CNTNAP2: variants seen among roughly 807,000 people sequenced by gnomAD.
The protein encoded by CNTNAP2 is contactin-associated protein-like 2.
Under a neutral mutation model 155.2 loss-of-function variants are expected in CNTNAP2, and 98 were observed. The observed-to-expected ratio is 0.63, with a 90% CI of 0.54 to 0.75. The LOEUF is 0.75. Among genes scored for constraint, CNTNAP2 ranks in the 30% least tolerant of loss-of-function variants. The pLI, the probability that CNTNAP2 is intolerant of heterozygous loss-of-function variation, is 0.00. For synonymous variants in CNTNAP2, 651 were observed against 631.2 expected (o/e 1.03, Z -0.47); for missense variants, 1,727 against 1,688.1 (o/e 1.02, Z -0.40).
chr7:147,378,033 A>G (rs758777535), intron 9 of CNTNAP2: 3 of 468,052 alleles, frequency 6.4e-6, no homozygotes, highest in Non-Finnish European at 1.3e-5. Flanking sequence ...TTCTATTAAT[A>G]TTGTTCCAAA....
At chr7:146,931,103 A>G (rs1796746457) in intron 3 of CNTNAP2, among the ~76,000 whole-genome samples, 1 of 151,400 alleles carries the variant, frequency 6.6e-6, no homozygotes, top group Admixed American at 6.6e-5. Context: ...ACATCTACAG[A>G]ACTCTCCACC....
rs558228396 is a variant in CNTNAP2 at position 146,288,193 on chromosome 7, G to A, written c.97+171220G>A. Reference sequence around the variant, plus strand: ...TTTGCCTGTGTTCCCAGCTACTCTAGAGGCTGAGGTGGGAGGATTGCTTGG... The same window carrying A: ...TTTGCCTGTGTTCCCAGCTACTCTAAAGGCTGAGGTGGGAGGATTGCTTGG... On this transcript the variant is annotated intron_variant, in intron 1 of 23. Transcript: ENST00000361727. Among the ~76,000 whole-genome samples the A allele has an allele frequency of 2.0e-3, 304 of 151,486 alleles. 3 individuals are homozygous for A. The highest frequency in any genetic ancestry group is 6.9e-3 in the African/African-American group (285 of 41,240).
intron 13 of CNTNAP2, among the ~76,000 whole-genome samples, chr7:147,764,306 C>G (rs1158921270): frequency 6.6e-6 from 1 of 152,156 alleles, no homozygotes; most frequent in African/African-American, 2.4e-5. Context: ...ATTACTCCAA[C>G]TAAAACTCTC....
At chr7:146,522,764 A>T (rs944810809) in intron 1 of CNTNAP2, among the ~76,000 whole-genome samples, 2 of 149,726 alleles carry the variant, frequency 1.3e-5, no homozygotes, top group African/African-American at 4.9e-5. Context: ...AATATATAAT[A>T]ATATCTATTA....
At chr7:147,053,647 G>C (rs1003740493) in intron 4 of CNTNAP2, among the ~76,000 whole-genome samples, 25 of 152,014 alleles carry the variant, frequency 1.6e-4, no homozygotes, top group African/African-American at 5.6e-4. Flanking sequence ...TTAGACCTAT[G>C]TCTGTCACTC....
chr7:148,244,309 T>C lies in CNTNAP2; in HGVS notation c.3381+14530T>C, dbSNP rs548147860. On this transcript the variant is annotated intron_variant, in intron 20 of 23. Coordinates refer to ENST00000361727, the MANE Select transcript of CNTNAP2 (RefSeq NM_014141.6). ...ATGTATGTGATTTTGTCTCACAAGTTCTCTCTTTAGGTCACAAATTAACTC... is the reference window on the plus strand; with the variant it reads ...ATGTATGTGATTTTGTCTCACAAGTCCTCTCTTTAGGTCACAAATTAACTC... Among the ~76,000 whole-genome samples, 125 of 152,268 alleles carry C rather than the reference T, an allele frequency of 8.2e-4. 3 individuals are homozygous for C. In the South Asian group the frequency reaches 0.025, roughly 31 times the overall value.
intron 8 of CNTNAP2, among the ~76,000 whole-genome samples, chr7:147,195,019 G>T (rs1370589921): frequency 6.6e-6 from 1 of 152,126 alleles, no homozygotes; most frequent in Non-Finnish European, 1.5e-5. Context: ...AAATGGTATT[G>T]CCTAGGTTTT....
At chr7:147,919,962 C>T (rs958658389) in intron 14 of CNTNAP2, among the ~76,000 whole-genome samples, 4 of 151,976 alleles carry the variant, frequency 2.6e-5, no homozygotes, top group Non-Finnish European at 5.9e-5. Context: ...TTCCTTCCTA[C>T]GGTGGTGATG....
At chr7:147,409,515 A>T (rs1797066460) in intron 10 of CNTNAP2, among the ~76,000 whole-genome samples, 1 of 152,220 alleles carries the variant, frequency 6.6e-6, no homozygotes, top group Non-Finnish European at 1.5e-5. Context: ...ACGAAGACAC[A>T]AAAGCAATTG....
intron 2 of CNTNAP2, among the ~76,000 whole-genome samples, chr7:146,828,581 AC>A (rs1451635075): frequency 6.6e-6 from 1 of 152,096 alleles, no homozygotes; most frequent in African/African-American, 2.4e-5. Flanking sequence ...ACATCTGACT[AC>A]CTGCATGTTC....
chr7:148,309,913 G>C (rs2116515357), intron 21 of CNTNAP2, among the ~76,000 whole-genome samples: 1 of 152,252 alleles, frequency 6.6e-6, no homozygotes, highest in South Asian at 2.1e-4. Flanking sequence ...GTGGTATGGA[G>C]AGATAATGGG....
intron 1 of CNTNAP2, among the ~76,000 whole-genome samples, chr7:146,450,003 T>C (rs1421486414): frequency 6.6e-6 from 1 of 152,206 alleles, no homozygotes; most frequent in Non-Finnish European, 1.5e-5. Context: ...ACAATTTTAA[T>C]GTCATTCCCG....
chr7:148,404,026 A>G (rs1799646254), intron 22 of CNTNAP2, among the ~76,000 whole-genome samples: 1 of 152,238 alleles, frequency 6.6e-6, no homozygotes, highest in South Asian at 2.1e-4. Context: ...TTTGTTAGGA[A>G]GAATAAGAAA....
chr7:146,643,092 T>C (rs2129161748), intron 1 of CNTNAP2, among the ~76,000 whole-genome samples: 1 of 148,648 alleles, frequency 6.7e-6, no homozygotes, highest in African/African-American at 2.5e-5. Flanking sequence ...GGGAAAATTT[T>C]CTCCCATTTT....
intron 1 of CNTNAP2, among the ~76,000 whole-genome samples, chr7:146,188,824 A>T (rs1359902320): frequency 1.3e-5 from 2 of 152,206 alleles, no homozygotes; most frequent in African/African-American, 2.4e-5. Flanking sequence ...GCAGAAATCA[A>T]TTTGACATCC....
chr7:147,391,414 C>T (rs1049418820), intron 9 of CNTNAP2, among the ~76,000 whole-genome samples: 3 of 152,114 alleles, frequency 2.0e-5, no homozygotes, highest in East Asian at 3.9e-4. Flanking sequence ...GACTCCTGAC[C>T]ATAAAGTTTG....
chr7:146,608,262 C>T (rs1045816152), intron 1 of CNTNAP2, among the ~76,000 whole-genome samples: 3 of 152,178 alleles, frequency 2.0e-5, no homozygotes, highest in African/African-American at 7.2e-5. Context: ...GTTTAAAACT[C>T]TTTAAGGCCA....
chr7:147,898,522 A>AT (rs1018518336), intron 13 of CNTNAP2, among the ~76,000 whole-genome samples: 102 of 139,892 alleles, frequency 7.3e-4, no homozygotes, highest in African/African-American at 2.4e-3. Flanking sequence ...ATATACCCAG[A>AT]TTTTTTTTTC....
In CNTNAP2 at chr7:148,022,185, T is replaced by TA. The variant is rs138292028; in HGVS notation, c.2383+44207dup. 3.3e-3 allele frequency among the ~76,000 whole-genome samples: 494 copies of TA among 149,028 alleles called. 5 individuals carry two copies. Among genetic ancestry groups the TA allele is most frequent in the African/African-American group, 0.011 (445 of 40,792 alleles). On this transcript the variant is annotated intron_variant, in intron 15 of 23. Coordinates refer to ENST00000361727, the MANE Select transcript of CNTNAP2 (RefSeq NM_014141.6). ...GCTTTTTGATGACAAAAAGAGGGTT[T>TA]AAAAAAAAAAATGTGGCTCACGCCT...
Sources: allele counts gnomAD v4.1 joint callset (sites outside exome capture counted in the v4.1 genomes callset), GRCh38; gene constraint gnomAD v4.1.1; transcripts MANE v1.5; gene names NCBI Gene and HGNC (gene_info 2026-07-23, HGNC 2026-07-21).